The following CNTN1 variants were observed in gnomAD, a reference collection of about 807,000 sequenced individuals.
CNTN1 encodes contactin-1.
In CNTN1, 38 loss-of-function variants were observed where a neutral mutation model predicts 126.4. The observed-to-expected ratio is 0.30, with a 90% CI of 0.23 to 0.39. The LOEUF is 0.39. CNTN1 is among the 10% of genes least tolerant of loss of function. The pLI is 1.00. For synonymous variants in CNTN1, 413 were observed against 422.6 expected, an observed-to-expected ratio of 0.98 and a Z score of 0.28; for missense variants, 1,009 against 1,248.4, an observed-to-expected ratio of 0.81 and a Z score of 2.89.
intron 1 of CNTN1, among the ~76,000 whole-genome samples, chr12:40,846,244 G>A (rs1312925959): frequency 1.3e-5 from 2 of 152,146 alleles, no homozygotes; most frequent in Non-Finnish European, 2.9e-5. Flanking sequence ...GAAGGCTGAG[G>A]CGGGTGGATC....
At chr12:40,729,045 T>C (rs1942430091) in intron 1 of CNTN1, 1 of 155,968 alleles carries the variant, frequency 6.4e-6, no homozygotes, top group African/African-American at 2.4e-5. Flanking sequence ...TTAATATCCA[T>C]ACACTGGTAA....
intron 1 of CNTN1, among the ~76,000 whole-genome samples, chr12:40,829,820 G>T (rs1941747566): frequency 6.6e-6 from 1 of 152,124 alleles, no homozygotes; most frequent in African/African-American, 2.4e-5. Context: ...AATGCCTCCT[G>T]GCTGAGGTGG....
At chr12:40,898,398 AAT>A (rs536963499) in intron 1 of CNTN1, among the ~76,000 whole-genome samples, 11 of 152,320 alleles carry the variant, frequency 7.2e-5, no homozygotes, top group African/African-American at 2.6e-4. Flanking sequence ...CTTCAAAGAA[AAT>A]GTAATGCATT....
At chr12:40,765,648 G>A (rs1939055379) in intron 1 of CNTN1, among the ~76,000 whole-genome samples, 2 of 152,162 alleles carry the variant, frequency 1.3e-5, no homozygotes, top group South Asian at 2.1e-4. Context: ...AGTAATATGA[G>A]AACAGAAAAA....
In CNTN1 at chr12:40,937,742, C is replaced by A. The variant is rs1181716943; in HGVS notation, c.1228+55C>A. On this transcript the variant is annotated intron_variant, in intron 11 of 23. Transcript: ENST00000551295. Reference sequence around the variant, plus strand: ...ATTGTTAAAGCAATATGTCATATCACACAAAATGTTTATTGAGCCTACACA... The same window carrying A: ...ATTGTTAAAGCAATATGTCATATCAAACAAAATGTTTATTGAGCCTACACA... The A allele has an allele frequency of 5.9e-6, 6 of 1,019,208 alleles. No homozygotes were observed. In the East Asian group the frequency reaches 1.2e-4, roughly 20 times the overall value. 63.1% of individuals were successfully genotyped at this position (1,019,208 alleles called of 1,614,324 possible).
chr12:40,770,995 G>T (rs1333815804), intron 1 of CNTN1, among the ~76,000 whole-genome samples: 1 of 152,072 alleles, frequency 6.6e-6, no homozygotes, highest in Non-Finnish European at 1.5e-5. Flanking sequence ...AATCCTGTGA[G>T]CTGAGTCTTG....
chr12:40,782,868 A>C (rs965669211), intron 1 of CNTN1, among the ~76,000 whole-genome samples: 1 of 151,994 alleles, frequency 6.6e-6, no homozygotes, highest in Non-Finnish European at 1.5e-5. Flanking sequence ...AAGGTATAAA[A>C]TGATGACTTA....
At chr12:40,912,823 C>G (rs1421075962) in intron 3 of CNTN1, among the ~76,000 whole-genome samples, 1 of 152,122 alleles carries the variant, frequency 6.6e-6, no homozygotes, top group Non-Finnish European at 1.5e-5. Context: ...AGTCAGTGAC[C>G]TGTCTCTATT....
At position 40,933,745 on chromosome 12, in the gene CNTN1, C is replaced by T; in HGVS notation, c.852C>T (p.Ser284=). The stretch of plus-strand genomic sequence containing the variant: ...GGAAGGTTCTAGAACCAATGCCAAG[C>T]ACTGCTGAGATTAGCACCTCTGGGG... ...RWRKVLEPMP[S]TAEISTSGAV... The change falls in exon 9 of 24, where the codon AGC becomes AGT. Residue 284 remains serine (S), a synonymous_variant. Coordinates refer to ENST00000551295, the MANE Select transcript of CNTN1 (RefSeq NM_001843.4). The T allele has an allele frequency of 6.2e-7, 1 of 1,612,892 alleles. No homozygotes were observed. The highest frequency in any genetic ancestry group is 8.5e-7 in the Non-Finnish European group (1 of 1,179,168).
At chr12:40,939,209 G>A (rs577315235) in intron 11 of CNTN1, 126 bp from the exon 12 acceptor site, 397 of 1,013,790 alleles carry the variant, frequency 3.9e-4, no homozygotes, top group Non-Finnish European at 5.5e-4. Flanking sequence ...GGTGACAGCT[G>A]ATCATATTTA....
At chr12:40,751,374 C>A (rs1163647377) in intron 1 of CNTN1, among the ~76,000 whole-genome samples, 1 of 151,942 alleles carries the variant, frequency 6.6e-6, no homozygotes, top group Non-Finnish European at 1.5e-5. Context: ...TCCCAGTAGC[C>A]TTGGACAAAA....
rs138774624 is a variant in CNTN1, at chr12:41,048,441, C to T, written c.2980+19222C>T. 9.9e-4 allele frequency among the ~76,000 whole-genome samples: 150 copies of T among 152,250 alleles called. 3 individuals are homozygous for T. In the East Asian group the frequency reaches 0.019, roughly 20 times the overall value. On this transcript the variant is annotated intron_variant, in intron 23 of 23. Transcript: ENST00000551295. ...CTGAAGCAGTCGACACCTACACATA[C>T]GCCCATGTGACCTGCCTTTCTTTCT...
chr12:40,862,061 G>A (rs201943257), intron 1 of CNTN1, among the ~76,000 whole-genome samples: 12 of 147,626 alleles, frequency 8.1e-5, no homozygotes, highest in African/African-American at 1.2e-4. Context: ...CAAAAATAAA[G>A]AAAAAAAAAA....
At chr12:40,993,045 TA>T in intron 16 of CNTN1, 74 bp from the exon 17 acceptor site, 1 of 1,367,750 alleles carries the variant, frequency 7.3e-7, no homozygotes, top group Non-Finnish European at 1.0e-6. Flanking sequence ...CCTGAAATAG[TA>T]AAATAAAAAG....
chr12:40,875,706 T>G (rs1299735395), intron 1 of CNTN1, among the ~76,000 whole-genome samples: 1 of 152,142 alleles, frequency 6.6e-6, no homozygotes, highest in Non-Finnish European at 1.5e-5. Context: ...ACTTCTTTTA[T>G]AGCTTATAGT....
intron 1 of CNTN1, among the ~76,000 whole-genome samples, chr12:40,862,682 T>C (rs375509614): frequency 1.8e-4 from 27 of 152,314 alleles, no homozygotes; most frequent in African/African-American, 5.8e-4. Context: ...TCAGTGATTG[T>C]ATGCTGTATT....
At position 40,993,561 on chromosome 12, in the gene CNTN1, AC is replaced by A. The variant is rs576562218; in HGVS notation, c.2113+294del. ...AGGAACTACTGAAATGCCACTGGAG[AC>A]CATTGGAATGACGTAAGTATTTAGA... On this transcript the variant is annotated intron_variant, in intron 17 of 23. Transcript: ENST00000551295. 3.4e-3 allele frequency among the ~76,000 whole-genome samples: 517 copies of A among 152,222 alleles called. 5 individuals carry two copies. The highest frequency in any genetic ancestry group is 0.012 in the African/African-American group (485 of 41,554).
chr12:40,853,095 C>T (rs1303230908), intron 1 of CNTN1, among the ~76,000 whole-genome samples: 1 of 151,914 alleles, frequency 6.6e-6, no homozygotes, highest in Non-Finnish European at 1.5e-5. Context: ...GTATGAAAAA[C>T]AATATGTAAG....
intron 17 of CNTN1, among the ~76,000 whole-genome samples, chr12:41,007,474 G>A (rs543380351): frequency 5.9e-5 from 9 of 152,258 alleles, no homozygotes; most frequent in South Asian, 2.1e-4. Context: ...GGAAAACTTA[G>A]GACATGGACT....
Sources: allele counts gnomAD v4.1 joint callset (sites outside exome capture counted in the v4.1 genomes callset), GRCh38; gene constraint gnomAD v4.1.1; transcripts MANE v1.5; gene names NCBI Gene and HGNC (gene_info 2026-07-23, HGNC 2026-07-21).